The following ZFP69 variants were observed in gnomAD, a reference collection of about 807,000 sequenced individuals.
ZFP69 encodes zinc finger protein 69 homolog.
ZFP69 carries 35 observed loss-of-function variants against 48.9 expected under a neutral mutation model. The observed-to-expected ratio is 0.72, with a 90% CI of 0.55 to 0.95. The LOEUF is 0.95. Ranked by LOEUF, ZFP69 falls within the 40% of genes least tolerant of loss-of-function variation. The pLI is 0.00. For synonymous variants in ZFP69, 193 were observed against 216.8 expected, an observed-to-expected ratio of 0.89 and a Z score of 0.96; for missense variants, 557 against 638.4, an observed-to-expected ratio of 0.87 and a Z score of 1.37.
At chr1:40,478,531 A>C (rs1230171795) in intron 1 of ZFP69, among the ~76,000 whole-genome samples, 1 of 152,280 alleles carries the variant, frequency 6.6e-6, no homozygotes, top group South Asian at 2.1e-4. Flanking sequence ...CTATGTCATT[A>C]TTCTGTCAGT....
At chr1:40,491,638 A>G (rs1371158605) in intron 5 of ZFP69, among the ~76,000 whole-genome samples, 1 of 152,048 alleles carries the variant, frequency 6.6e-6, no homozygotes, top group Non-Finnish European at 1.5e-5. Context: ...TTGACCATCC[A>G]TCCATCTCTT....
chr1:40,492,385 A>T (rs769498407), intron 5 of ZFP69, among the ~76,000 whole-genome samples: 15 of 151,948 alleles, frequency 9.9e-5, no homozygotes, highest in Non-Finnish European at 1.9e-4. Flanking sequence ...TCACCTGTCA[A>T]GTTTCTTTAT....
chr1:40,489,076 T>G lies in ZFP69; in HGVS notation c.220-12T>G. 1 of 1,613,584 alleles carries G rather than the reference T, an allele frequency of 6.2e-7. No homozygotes were observed. On this transcript the variant is annotated splice_polypyrimidine_tract_variant and intron_variant, in intron 3 of 5. Transcript: ENST00000372706. ...GGTCTCCGGCTAAAAATGAATGTAT[T>G]TGATGTTCTAGGAATTGTTGACTTT...
intron 5 of ZFP69, among the ~76,000 whole-genome samples, chr1:40,494,404 G>T (rs1645602908): frequency 7.0e-6 from 1 of 143,832 alleles, no homozygotes; most frequent in African/African-American, 2.5e-5. Context: ...GAGTAGCTGG[G>T]ACTACAGGCG....
Position 40,477,432 on chromosome 1 carries a change from C to T in ZFP69, c.-789C>T, listed in dbSNP as rs1342890992. ...GGCCGGAGGCAGAGGCCAGGCGAGA[C>T]ACCCGGCTGCGGCCTAAGAGGCCAG... On this transcript the variant is annotated 5_prime_UTR_variant, in exon 1 of 6. Coordinates refer to ENST00000372706, the MANE Select transcript of ZFP69 (RefSeq NM_001320179.2). This position sits in a 1 kb window ranked among gnomAD's most constrained non-coding sequence, Gnocchi z 4.0. 6.6e-6 allele frequency: 1 copy of T among 151,902 alleles called. No individual in the cohort carries two copies. Among genetic ancestry groups the T allele is most frequent in the Non-Finnish European group, 1.5e-5 (1 of 67,954 alleles). The allele number at this position is 151,902 out of a possible 1,614,324, so 9.4% of individuals were successfully genotyped here. A position where few individuals can be genotyped will look rare whatever the true frequency, so the allele number is the denominator to read the frequency against.
chr1:40,494,515 G>A lies in ZFP69; in HGVS notation c.443-406G>A, dbSNP rs1237969469. Among the ~76,000 whole-genome samples, 4 of 146,678 alleles carry A rather than the reference G, an allele frequency of 2.7e-5. No homozygotes were observed. The East Asian group carries it at 5.9e-4, about 22-fold the overall frequency. On this transcript the variant is annotated intron_variant, in intron 5 of 5. Transcript: ENST00000372706. Reference sequence around the variant, plus strand: ...GATCTCCTGACCTCGTGATCCGCCCGCCTCGGCCTCCCAAAGTGCTGGGAT... The same window carrying A: ...GATCTCCTGACCTCGTGATCCGCCCACCTCGGCCTCCCAAAGTGCTGGGAT...
At chr1:40,481,352 T>C (rs1295853869) in intron 2 of ZFP69, among the ~76,000 whole-genome samples, 1 of 152,100 alleles carries the variant, frequency 6.6e-6, no homozygotes, top group East Asian at 1.9e-4. Flanking sequence ...TTTGGGCAGA[T>C]TGTAGAGTGC....
Position 40,495,272 on chromosome 1 carries a change from A to C in ZFP69, c.794A>C (p.Tyr265Ser). The change falls in exon 6 of 6, where the codon TAC (tyrosine) becomes TCC (serine). Residue 265 changes from tyrosine (Y) to serine (S), a missense_variant. Physicochemically the swap from Tyr to Ser is moderately radical, Grantham distance 144. Transcript: ENST00000372706. ...GATTTGATTAATCATCCAACAAGTT[A>C]CATAAGAACAAAAACCTATGAATGT... The part of the protein sequence containing the change: ...KLDLINHPTS[Y>S]IRTKTYECNI... 1 of 1,614,070 alleles carries C rather than the reference A, an allele frequency of 6.2e-7. No homozygotes were observed. The highest frequency in any genetic ancestry group is 1.3e-5 in the African/African-American group (1 of 75,076).
chr1:40,482,878 G>C lies in ZFP69; in HGVS notation c.219+1024G>C, dbSNP rs75818804. On this transcript the variant is annotated intron_variant, in intron 3 of 5. Transcript: ENST00000372706. ...AAAGAGAGATATAGACAAAATCACA[G>C]TAATTAGAAACTTTAACACTTCTTT... 3.8e-3 allele frequency among the ~76,000 whole-genome samples: 574 copies of C among 152,252 alleles called. 17 individuals carry two copies. In the East Asian group the frequency reaches 0.082, roughly 22 times the overall value.
At position 40,496,139 on chromosome 1, in the gene ZFP69, T is replaced by C. The variant is rs1570052201; in HGVS notation, c.*80T>C. 1.8e-5 allele frequency: 25 copies of C among 1,419,230 alleles called. No individual in the cohort carries two copies. The highest frequency in any genetic ancestry group is 1.4e-5 in the South Asian group (1 of 69,498). 87.9% of individuals were successfully genotyped at this position (1,419,230 alleles called of 1,614,324 possible). A position where few individuals can be genotyped will look rare whatever the true frequency, so the allele number is the denominator to read the frequency against. ...GCTTTAAAATTTCAGGACTCAGATA[T>C]GAGGAATTGATGTAATGATGCCAAC... On this transcript the variant is annotated 3_prime_UTR_variant, in exon 6 of 6. Coordinates refer to ENST00000372706, the MANE Select transcript of ZFP69 (RefSeq NM_001320179.2).
chr1:40,479,450 C>A lies in ZFP69; in HGVS notation c.89C>A (p.Pro30His). ...QHPKKAVEGAPLWEDVTKMFE... is the reference protein window; with the variant it reads ...QHPKKAVEGAHLWEDVTKMFE... ...CCAAAGAAGGCCGTGGAGGGGGCGCCCCTGTGGGAGGATGTGACTAAAATG... is the reference window on the plus strand; with the variant it reads ...CCAAAGAAGGCCGTGGAGGGGGCGCACCTGTGGGAGGATGTGACTAAAATG... The change falls in exon 2 of 6, where the codon CCC becomes CAC. Residue 30 changes from proline to histidine, a missense_variant. Physicochemically the swap from Pro to His is moderately conservative, Grantham distance 77 (BLOSUM62 -2). Coordinates refer to ENST00000372706, the MANE Select transcript of ZFP69 (RefSeq NM_001320179.2). 6.2e-7 allele frequency: 1 copy of A among 1,613,898 alleles called. No homozygotes were observed. Among genetic ancestry groups the A allele is most frequent in the South Asian group, 1.1e-5 (1 of 91,068 alleles).
chr1:40,491,568 G>A (rs1383268304), intron 5 of ZFP69, among the ~76,000 whole-genome samples: 1 of 152,070 alleles, frequency 6.6e-6, no homozygotes, highest in Non-Finnish European at 1.5e-5. Context: ...CTGGGTTATG[G>A]TATCTTGTTT....
At chr1:40,491,686 T>G (rs1425240068) in intron 5 of ZFP69, among the ~76,000 whole-genome samples, 3 of 152,054 alleles carry the variant, frequency 2.0e-5, no homozygotes, top group Non-Finnish European at 4.4e-5. Flanking sequence ...CTTCTGTTAA[T>G]TACCTGTTTA....
intron 5 of ZFP69, among the ~76,000 whole-genome samples, chr1:40,489,866 CTTTTTTTTTTTTTTTTTTTTTT>C (rs1184811969): frequency 2.6e-5 from 3 of 115,434 alleles, no homozygotes; most frequent in Non-Finnish European, 5.2e-5. Flanking sequence ...TTTTCTTTTT[CTTTTTTTTTTTTTTTTTTTTTT>C]GAGACAGAGT....
At chr1:40,480,176 G>T (rs906533798) in intron 2 of ZFP69, among the ~76,000 whole-genome samples, 3 of 152,134 alleles carry the variant, frequency 2.0e-5, no homozygotes, top group Middle Eastern at 3.4e-3. Context: ...AATGGATTGA[G>T]ATAGGCATAC....
At chr1:40,479,628 G>T in intron 2 of ZFP69, 140 bp downstream of exon 2, 1 of 1,219,986 alleles carries the variant, frequency 8.2e-7, no homozygotes, top group Non-Finnish European at 1.1e-6. Flanking sequence ...GAAGGGGACA[G>T]CTGTGAGGGA....
At position 40,495,454 on chromosome 1, in the gene ZFP69, C is replaced by A. The variant is rs763121799; in HGVS notation, c.976C>A (p.Pro326Thr). 3 of 1,614,156 alleles carry A rather than the reference C, an allele frequency of 1.9e-6. No homozygotes were observed. The South Asian group carries it at 3.3e-5, about 18-fold the overall frequency. ...CCAGAGAATCCATACTGGTGAGAAA[C>A]CCTTTGAATGTGAGGAATGTGGGAA... Reference protein sequence around the residue: ...THQRIHTGEKPFECEECGKAF... With the variant: ...THQRIHTGEKTFECEECGKAF... The change falls in exon 6 of 6, where the codon CCC becomes ACC. Residue 326 changes from proline (P) to threonine (T), a missense_variant. Coordinates refer to ENST00000372706, the MANE Select transcript of ZFP69 (RefSeq NM_001320179.2).
At chr1:40,483,916 C>T (rs1645468545) in intron 3 of ZFP69, among the ~76,000 whole-genome samples, 2 of 151,922 alleles carry the variant, frequency 1.3e-5, no homozygotes, top group Non-Finnish European at 2.9e-5. Flanking sequence ...GTCTCTACTA[C>T]AAATACAATA....
chr1:40,495,820 T>C lies in ZFP69; in HGVS notation c.1342T>C (p.Phe448Leu). The change falls in exon 6 of 6, where the codon TTT becomes CTT. Residue 448 changes from phenylalanine (F) to leucine (L), a missense_variant. Physicochemically the swap from Phe to Leu is conservative, Grantham distance 22. Coordinates refer to ENST00000372706, the MANE Select transcript of ZFP69 (RefSeq NM_001320179.2). ...PYKCKECGKA[F>L]RQRIHLSNHK... ...CAAATGTAAAGAATGTGGAAAAGCC[T>C]TTAGGCAGAGGATACACCTTAGCAA... is the stretch of plus-strand genomic sequence containing the variant. The C allele has an allele frequency of 1.2e-6, 2 of 1,614,188 alleles. No individual in the cohort carries two copies. Among genetic ancestry groups the C allele is most frequent in the Non-Finnish European group, 1.7e-6 (2 of 1,180,022 alleles).
Sources: allele counts gnomAD v4.1 joint callset (sites outside exome capture counted in the v4.1 genomes callset), GRCh38; gene constraint gnomAD v4.1.1; non-coding constraint Gnocchi (gnomAD v3.1); transcripts MANE v1.5; gene names NCBI Gene and HGNC (gene_info 2026-07-23, HGNC 2026-07-21).